The following PPP1R1C variants were observed in gnomAD, a reference collection of about 807,000 sequenced individuals.
PPP1R1C encodes the protein protein phosphatase 1 regulatory subunit 1C.
Under a neutral mutation model 17.4 loss-of-function variants are expected in PPP1R1C, and 15 were observed. That is an observed-to-expected ratio of 0.86 (90% CI 0.58 to 1.33). The LOEUF (loss-of-function observed/expected upper bound fraction) is 1.33, where lower values mean the gene tolerates loss of function less well. Among genes scored for constraint, PPP1R1C ranks in the 40% most tolerant of loss-of-function variants. The pLI is 0.00. For missense variants in PPP1R1C, 143 were observed against 130.0 expected (o/e 1.10, Z -0.48); for synonymous variants, 35 against 43.1 (o/e 0.81, Z 0.73).
chr2:182,061,554 G>A, intron 3 of PPP1R1C, 75 bp downstream of exon 3: 2 of 817,744 alleles, frequency 2.4e-6, no homozygotes, highest in Non-Finnish European at 3.6e-6. Flanking sequence ...GATTTGATGT[G>A]ATATAAATAA....
intron 1 of PPP1R1C, among the ~76,000 whole-genome samples, chr2:181,969,580 A>G (rs576809900): frequency 6.6e-6 from 1 of 151,984 alleles, no homozygotes; most frequent in South Asian, 2.1e-4. Flanking sequence ...AAATATCTTG[A>G]GGTAGTCTTA....
intron 2 of PPP1R1C, among the ~76,000 whole-genome samples, chr2:181,975,781 T>G (rs1036198033): frequency 4.6e-5 from 7 of 152,050 alleles, no homozygotes; most frequent in Admixed American, 4.6e-4. Context: ...CCTATAATAT[T>G]GCTCTTATAG....
At chr2:182,007,325 G>A (rs199636743) in intron 2 of PPP1R1C, among the ~76,000 whole-genome samples, 1 of 151,452 alleles carries the variant, frequency 6.6e-6, no homozygotes, top group African/African-American at 2.4e-5. Flanking sequence ...ATTATGGCTT[G>A]CTTATTTTCT....
chr2:182,080,616 T>C (rs993446012), intron 4 of PPP1R1C, among the ~76,000 whole-genome samples: 6 of 152,190 alleles, frequency 3.9e-5, no homozygotes, highest in Admixed American at 6.5e-5. Context: ...ATTCAGACTA[T>C]ATGTCTATTT....
intron 1 of PPP1R1C, among the ~76,000 whole-genome samples, chr2:181,966,659 C>G (rs1179207873): frequency 6.6e-6 from 1 of 152,130 alleles, no homozygotes; most frequent in African/African-American, 2.4e-5. Context: ...TGAAAAATCT[C>G]TGTTGTTCAC....
intron 4 of PPP1R1C, among the ~76,000 whole-genome samples, chr2:182,097,364 C>T (rs1408772200): frequency 6.6e-6 from 1 of 152,188 alleles, no homozygotes; most frequent in Non-Finnish European, 1.5e-5. Context: ...CACACATTCT[C>T]TCTTCTGATT....
At chr2:182,089,954 T>A (rs1376271177) in intron 4 of PPP1R1C, among the ~76,000 whole-genome samples, 1 of 152,218 alleles carries the variant, frequency 6.6e-6, no homozygotes, top group East Asian at 1.9e-4. Flanking sequence ...AATTTTTAAA[T>A]GCTTATAATA....
chr2:182,061,504 T>C, intron 3 of PPP1R1C, 25 bp downstream of exon 3: 2 of 1,421,386 alleles, frequency 1.4e-6, no homozygotes, highest in Non-Finnish European at 1.9e-6. Flanking sequence ...ATATTTTGTA[T>C]AAATGTGTTC....
exon 6 of PPP1R1C, chr2:182,129,828 T>G (rs1294821054): frequency 1.3e-5 from 2 of 152,126 alleles, no homozygotes; most frequent in African/African-American, 2.4e-5. Context: ...ATATATTGAC[T>G]TAGAGCTAAA....
Position 181,961,075 on chromosome 2 carries a change from G to GTA in PPP1R1C, n.111+6442_111+6443dup. 3.8e-6 allele frequency: 2 copies of GTA among 530,186 alleles called. No individual in the cohort carries two copies. The highest frequency in any genetic ancestry group is 6.8e-6 in the Non-Finnish European group (2 of 294,810). The allele number at this position is 530,186 out of a possible 1,614,324, so 32.8% of individuals were successfully genotyped here. A position where few individuals can be genotyped will look rare whatever the true frequency, so the allele number is the denominator to read the frequency against. On this transcript the variant is annotated intron_variant and non_coding_transcript_variant, in intron 1 of 5. Transcript: ENST00000464264. This position sits in a 1 kb window ranked among gnomAD's most constrained non-coding sequence, Gnocchi z 5.8. ...GAGGGACAACTGCAAAATAAAGGCT[G>GTA]TAACAGGAGCGTGTGTCACATCATC...
At chr2:182,074,994 G>GA (rs1254512934) in intron 4 of PPP1R1C, among the ~76,000 whole-genome samples, 17 of 152,202 alleles carry the variant, frequency 1.1e-4, no homozygotes, top group Middle Eastern at 3.4e-3. Flanking sequence ...TTCATTAAGA[G>GA]AAAAAATACC....
downstream of PPP1R1C, chr2:182,130,939 C>G (rs1226163804): frequency 6.6e-6 from 1 of 152,188 alleles, no homozygotes; most frequent in Admixed American, 6.5e-5. Flanking sequence ...GAGCTACACA[C>G]TTTTATTGTC....
intron 4 of PPP1R1C, among the ~76,000 whole-genome samples, chr2:182,115,497 G>T (rs2125236894): frequency 6.6e-6 from 1 of 152,204 alleles, no homozygotes; most frequent in Non-Finnish European, 1.5e-5. Context: ...TTTACCACAA[G>T]GAGTTGTGAG....
chr2:182,071,852 G>A (rs1021027510), intron 4 of PPP1R1C, among the ~76,000 whole-genome samples: 1 of 152,030 alleles, frequency 6.6e-6, no homozygotes, highest in African/African-American at 2.4e-5. Context: ...GTGTCCCATT[G>A]ACATATTCCA....
chr2:182,043,433 T>C (rs1168695483), intron 2 of PPP1R1C, among the ~76,000 whole-genome samples: 18 of 152,146 alleles, frequency 1.2e-4, no homozygotes, highest in Non-Finnish European at 7.4e-5. Flanking sequence ...TCTGCCGTAA[T>C]GTTATTTATG....
chr2:182,050,244 C>T (rs1235997248), intron 2 of PPP1R1C, among the ~76,000 whole-genome samples: 1 of 152,220 alleles, frequency 6.6e-6, no homozygotes, highest in Non-Finnish European at 1.5e-5. Flanking sequence ...AGTTTCTACT[C>T]AGTTTTCTAG....
At chr2:182,061,131 C>T (rs1295906006) in intron 2 of PPP1R1C, among the ~76,000 whole-genome samples, 1 of 152,064 alleles carries the variant, frequency 6.6e-6, no homozygotes, top group African/African-American at 2.4e-5. Context: ...GACACCTTAA[C>T]TGTGAGGCTG....
chr2:182,121,253 AT>A (rs1268986624), downstream of PPP1R1C, among the ~76,000 whole-genome samples: 12 of 152,174 alleles, frequency 7.9e-5, no homozygotes, highest in African/African-American at 2.9e-4. Context: ...CAGTTTCTTC[AT>A]TTGTAAAATA....
chr2:182,077,956 G>A (rs775524076), intron 4 of PPP1R1C, among the ~76,000 whole-genome samples: 3 of 152,164 alleles, frequency 2.0e-5, no homozygotes, highest in Non-Finnish European at 4.4e-5. Context: ...CAAGGAGGAC[G>A]GCTTGAGATC....
Sources: allele counts gnomAD v4.1 joint callset (sites outside exome capture counted in the v4.1 genomes callset), GRCh38; gene constraint gnomAD v4.1.1; non-coding constraint Gnocchi (gnomAD v3.1); transcripts MANE v1.5; gene names NCBI Gene and HGNC (gene_info 2026-07-23, HGNC 2026-07-21).